The following SERPINB10 variants were observed in gnomAD, a reference collection of about 807,000 sequenced individuals.
The protein encoded by SERPINB10 is serpin B10.
A neutral mutation model predicts 39.1 loss-of-function variants in SERPINB10; 35 were observed. The ratio of observed to expected loss-of-function variants is 0.90; its 90% CI spans 0.68 to 1.19. The LOEUF is 1.19. SERPINB10 is among the 50% of genes most tolerant of loss of function. SERPINB10 has a pLI of 0.00. For synonymous variants in SERPINB10, 190 were observed against 158.1 expected (o/e 1.20, Z -1.52); for missense variants, 546 against 460.5 (o/e 1.19, Z -1.70).
rs2144724876 is a variant in SERPINB10, at chr18:63,918,167, ACT to A, written c.372+68_372+69del. 2.6e-6 allele frequency: 4 copies of A among 1,539,334 alleles called. No individual in the cohort carries two copies. The Admixed American group carries it at 6.8e-5, about 26-fold the overall frequency. On this transcript the variant is annotated intron_variant, in intron 4 of 7. Coordinates refer to ENST00000238508, the MANE Select transcript of SERPINB10 (RefSeq NM_005024.3). ...AGAGCAATGTGAGACCAATCAGTAA[ACT>A]CTGTATATTTCTTTAGGGATCCAGG...
chr18:63,927,341 A>G (rs1239814551), intron 5 of SERPINB10, among the ~76,000 whole-genome samples: 7 of 152,056 alleles, frequency 4.6e-5, no homozygotes, highest in Non-Finnish European at 1.0e-4. Context: ...TTCTCCTATC[A>G]GTCATCAAAG....
At chr18:63,915,468 A>C in intron 1 of SERPINB10, 34 bp from the exon 2 acceptor site, 1 of 1,458,708 alleles carries the variant, frequency 6.9e-7, no homozygotes, top group East Asian at 2.3e-5. Flanking sequence ...ATAAATATTA[A>C]TATGCTCTCT....
chr18:63,909,674 G>A (rs895076600), intron 1 of SERPINB10, among the ~76,000 whole-genome samples: 2 of 151,940 alleles, frequency 1.3e-5, no homozygotes, highest in African/African-American at 2.4e-5. Context: ...CCTCTGAAAT[G>A]GTACTTTCTC....
chr18:63,932,245 G>GT (rs2050228115), intron 6 of SERPINB10, among the ~76,000 whole-genome samples: 2 of 152,180 alleles, frequency 1.3e-5, no homozygotes, highest in Admixed American at 1.3e-4. Flanking sequence ...TGTGGACACT[G>GT]TTTTTAACAC....
At chr18:63,921,023 T>C (rs566029432) in intron 5 of SERPINB10, among the ~76,000 whole-genome samples, 1 of 152,130 alleles carries the variant, frequency 6.6e-6, no homozygotes, top group Non-Finnish European at 1.5e-5. Context: ...GGATTTCGAA[T>C]ATAAGTCAGC....
chr18:63,913,261 G>A (rs575156570), intron 1 of SERPINB10, among the ~76,000 whole-genome samples: 3 of 151,458 alleles, frequency 2.0e-5, no homozygotes, highest in Admixed American at 6.6e-5. Flanking sequence ...ATGGATTTTT[G>A]GGTCTCGATT....
At position 63,930,157 on chromosome 18, in the gene SERPINB10, C is replaced by T. The variant is rs759974154; in HGVS notation, c.603C>T (p.Asn201=). ...GIWEHQFLVQ[N]TTEKPFRINE... is the part of the protein sequence containing the mutation. The stretch of plus-strand genomic sequence containing the variant: ...GGGAACATCAATTCTTAGTGCAAAA[C>T]ACCACAGAAAAGCCTTTTAGAATAA... The change falls in exon 6 of 8, where the codon AAC becomes AAT. Residue 201 remains asparagine (N), a synonymous_variant. Coordinates refer to ENST00000238508, the MANE Select transcript of SERPINB10 (RefSeq NM_005024.3). The T allele has an allele frequency of 1.9e-6, 3 of 1,613,326 alleles. No homozygotes were observed. In the Admixed American group the frequency reaches 5.0e-5, roughly 27 times the overall value.
At position 63,915,618 on chromosome 18, in the gene SERPINB10, A is replaced by T; in HGVS notation, c.108A>T (p.Ser36=). 1 of 1,612,714 alleles carries T rather than the reference A, an allele frequency of 6.2e-7. No homozygotes were observed. The highest frequency in any genetic ancestry group is 1.1e-5 in the South Asian group (1 of 91,020). Residue 36 remains serine, a synonymous_variant, in exon 2 of 8, where the codon TCA becomes TCT. Transcript: ENST00000238508. ...KNIFFSSWSI[S]TSLTIVYLGA... is the part of the protein sequence containing the mutation. The stretch of plus-strand genomic sequence containing the variant: ...TCTTCTTTTCTTCCTGGAGCATCTC[A>T]ACTTCCTTGACCATAGTGTATTTGG...
chr18:63,920,153 C>T (rs939105620), intron 5 of SERPINB10, among the ~76,000 whole-genome samples: 1 of 151,954 alleles, frequency 6.6e-6, no homozygotes, highest in Non-Finnish European at 1.5e-5. Flanking sequence ...TCATCTCCCA[C>T]TAATTCCAAA....
chr18:63,922,214 G>T (rs536851334), intron 5 of SERPINB10, among the ~76,000 whole-genome samples: 1 of 151,984 alleles, frequency 6.6e-6, no homozygotes, highest in Non-Finnish European at 1.5e-5. Context: ...TAAGTGCTCA[G>T]TTCCTTTTAC....
At chr18:63,913,076 T>A (rs2050076463) in intron 1 of SERPINB10, among the ~76,000 whole-genome samples, 1 of 151,860 alleles carries the variant, frequency 6.6e-6, no homozygotes, top group Non-Finnish European at 1.5e-5. Flanking sequence ...GAGGTAGTCA[T>A]AGTAGTCTCT....
At chr18:63,911,777 T>C (rs73478033) in intron 1 of SERPINB10, among the ~76,000 whole-genome samples, 1,633 of 145,704 alleles carry the variant, frequency 0.011, 33 homozygotes, top group African/African-American at 0.041. Context: ...TCTTGTTCCA[T>C]ATGAAATTTA....
At position 63,933,180 on chromosome 18, in the gene SERPINB10, G is replaced by A. The variant is rs2050236670; in HGVS notation, c.766G>A (p.Glu256Lys). 1 of 1,613,900 alleles carries A rather than the reference G, an allele frequency of 6.2e-7. No homozygotes were observed. Among genetic ancestry groups the A allele is most frequent in the Admixed American group, 1.7e-5 (1 of 59,994 alleles). The change falls in exon 7 of 8, where the codon GAA (glutamate) becomes AAA (lysine). Residue 256 changes from glutamate to lysine, a missense_variant. By Grantham distance (56) the Glu-to-Lys change is moderately conservative. Transcript: ENST00000238508. ...RDLSLLILLP[E>K]DINGLEQLEK... ...CCTCAGCCTGCTTATACTACTGCCA[G>A]AAGACATTAATGGGCTGGAACAGGT...
Position 63,917,515 on chromosome 18 carries a change from G to T in SERPINB10, c.228G>T (p.Arg76Ser). The change falls in exon 3 of 8, where the codon AGG becomes AGT. Residue 76 changes from arginine (R) to serine (S), a missense_variant. Transcript: ENST00000238508. ...VKCDPESEKK[R>S]KMEFNLSNSE... ...GTGACCCTGAAAGTGAAAAAAAAAG[G>T]AAAATGGTATATCTTATCCTTTAAT... 6.4e-7 allele frequency: 1 copy of T among 1,555,214 alleles called. No individual in the cohort carries two copies. The highest frequency in any genetic ancestry group is 2.3e-5 in the East Asian group (1 of 43,306).
intron 1 of SERPINB10, among the ~76,000 whole-genome samples, chr18:63,908,919 G>T (rs1463499085): frequency 6.6e-6 from 1 of 151,964 alleles, no homozygotes; most frequent in Non-Finnish European, 1.5e-5. Context: ...AACACAATGA[G>T]ATACAATGGC....
At position 63,919,852 on chromosome 18, in the gene SERPINB10, C is replaced by T. The variant is rs1233634824; in HGVS notation, c.437C>T (p.Ala146Val). The T allele has an allele frequency of 6.2e-7, 1 of 1,610,674 alleles. No individual in the cohort carries two copies. Among genetic ancestry groups the T allele is most frequent in the Admixed American group, 1.7e-5 (1 of 59,664 alleles). ...CCTCAGCCTGTTAACTTTGTGGAAG[C>T]TTCTGATCAAATCAGAAAGGACATC... Reference protein sequence around the residue: ...AEPQPVNFVEASDQIRKDINS... With the variant: ...AEPQPVNFVEVSDQIRKDINS... Residue 146 changes from alanine to valine, a missense_variant, in exon 5 of 8, where the codon GCT becomes GTT. Ala to Val is a moderately conservative substitution (Grantham distance 64, BLOSUM62 0). Coordinates refer to ENST00000238508, the MANE Select transcript of SERPINB10 (RefSeq NM_005024.3).
At position 63,917,992 on chromosome 18, in the gene SERPINB10, A is replaced by G. The variant is rs982384169; in HGVS notation, c.262A>G (p.Ile88Val). Reference protein sequence around the residue: ...MEFNLSNSEEIHSDFQTLISE... With the variant: ...MEFNLSNSEEVHSDFQTLISE... ...ATTCAACTTGAGCAACTCGGAAGAA[A>G]TACACTCTGATTTCCAAACACTTAT... Residue 88 changes from isoleucine to valine, a missense_variant, in exon 4 of 8, where the codon ATA (isoleucine) becomes GTA (valine). Ile to Val is a conservative substitution (Grantham distance 29, BLOSUM62 3). Coordinates refer to ENST00000238508, the MANE Select transcript of SERPINB10 (RefSeq NM_005024.3). The G allele has an allele frequency of 1.2e-6, 2 of 1,612,076 alleles. No individual in the cohort carries two copies. Among genetic ancestry groups the G allele is most frequent in the Non-Finnish European group, 1.7e-6 (2 of 1,178,802 alleles).
At chr18:63,908,502 T>G (rs1054374274) in intron 1 of SERPINB10, among the ~76,000 whole-genome samples, 2 of 151,998 alleles carry the variant, frequency 1.3e-5, no homozygotes, top group Non-Finnish European at 2.9e-5. Flanking sequence ...ATATATGGAA[T>G]TCATGGTTTG....
At chr18:63,919,741 A>G (rs1432728959) in intron 4 of SERPINB10, 47 bp from the exon 5 acceptor site, 4 of 1,337,676 alleles carry the variant, frequency 3.0e-6, no homozygotes, top group East Asian at 2.4e-5. Flanking sequence ...TGATTTCTCA[A>G]TTTTGAACAA....
Sources: allele counts gnomAD v4.1 joint callset (sites outside exome capture counted in the v4.1 genomes callset), GRCh38; gene constraint gnomAD v4.1.1; transcripts MANE v1.5; gene names NCBI Gene and HGNC (gene_info 2026-07-23, HGNC 2026-07-21).